The following SORCS1 variants were observed in gnomAD, a reference collection of about 807,000 sequenced individuals.
SORCS1 encodes sortilin related VPS10 domain containing receptor 1.
A neutral mutation model predicts 146.1 loss-of-function variants in SORCS1; 60 were observed. The observed-to-expected ratio is 0.41, with a 90% CI of 0.33 to 0.51. The LOEUF (loss-of-function observed/expected upper bound fraction) is 0.51, where lower values mean the gene tolerates loss of function less well. SORCS1 is among the 20% of genes least tolerant of loss of function. The pLI is 0.21. For synonymous variants in SORCS1, 637 were observed against 584.0 expected (o/e 1.09, Z -1.31); for missense variants, 1,352 against 1,487.6 (o/e 0.91, Z 1.50).
At chr10:107,139,607 CA>C (rs1169480095) in intron 1 of SORCS1, among the ~76,000 whole-genome samples, 1 of 152,182 alleles carries the variant, frequency 6.6e-6, no homozygotes, top group Non-Finnish European at 1.5e-5. Context: ...CACATATACA[CA>C]ATCAGTAGAG....
intron 1 of SORCS1, among the ~76,000 whole-genome samples, chr10:107,132,861 A>T (rs1415494): frequency 0.19 from 24,694 of 131,764 alleles, 2,503 homozygotes; most frequent in East Asian, 0.37. Context: ...TCAAAAATAA[A>T]AAAAAATAAA....
intron 1 of SORCS1, among the ~76,000 whole-genome samples, chr10:106,996,083 T>C (rs1410934557): frequency 2.0e-5 from 3 of 151,748 alleles, no homozygotes; most frequent in Non-Finnish European, 4.4e-5. Flanking sequence ...CTACTAAAAA[T>C]ACAAAAATTA....
chr10:107,080,900 G>A (rs1963279331), intron 1 of SORCS1, among the ~76,000 whole-genome samples: 2 of 152,086 alleles, frequency 1.3e-5, no homozygotes, highest in Admixed American at 1.3e-4. Context: ...TTTCTATTCT[G>A]CATTTTCTGT....
intron 2 of SORCS1, among the ~76,000 whole-genome samples, chr10:106,945,971 T>C (rs1338438461): frequency 6.6e-6 from 1 of 152,214 alleles, no homozygotes; most frequent in East Asian, 1.9e-4. Flanking sequence ...TGAACAGGAA[T>C]GCCTAGAGCT....
chr10:106,801,677 C>T (rs143052623), intron 3 of SORCS1, among the ~76,000 whole-genome samples: 5,876 of 151,948 alleles, frequency 0.039, 145 homozygotes, highest in Middle Eastern at 0.078. Context: ...CTACAGGCGC[C>T]CGCCACCACG....
rs185020103 is a variant in SORCS1 at position 107,069,059 on chromosome 10, C to T, written c.558+94910G>A. 1.6e-3 allele frequency among the ~76,000 whole-genome samples: 247 copies of T among 152,214 alleles called. 1 individual carries two copies. Among genetic ancestry groups the T allele is most frequent in the Middle Eastern group, 3.4e-3 (1 of 294 alleles). On this transcript the variant is annotated intron_variant, in intron 1 of 25. Transcript: ENST00000263054. Reference sequence around the variant, plus strand: ...TGTTGTTGCAGCTGGTTATTTCATCCACCTTTCTGACTATAAACTGAGTTC... The same window carrying T: ...TGTTGTTGCAGCTGGTTATTTCATCTACCTTTCTGACTATAAACTGAGTTC...
chr10:106,589,429 T>C (rs1845459876), intron 24 of SORCS1, among the ~76,000 whole-genome samples: 1 of 152,178 alleles, frequency 6.6e-6, no homozygotes, highest in Non-Finnish European at 1.5e-5. Flanking sequence ...AGGGTTCTCA[T>C]GAGAACAAAG....
At chr10:107,000,717 G>A (rs1338410585) in intron 1 of SORCS1, among the ~76,000 whole-genome samples, 1 of 151,946 alleles carries the variant, frequency 6.6e-6, no homozygotes, top group African/African-American at 2.4e-5. Context: ...CAGGCAAGAA[G>A]ATTGAACAAA....
At chr10:106,746,861 C>T (rs973153512) in intron 5 of SORCS1, among the ~76,000 whole-genome samples, 1 of 152,170 alleles carries the variant, frequency 6.6e-6, no homozygotes, top group Non-Finnish European at 1.5e-5. Context: ...TTAGGCATCT[C>T]GCTTTCCTTG....
At chr10:106,942,646 G>T (rs1954102878) in intron 2 of SORCS1, among the ~76,000 whole-genome samples, 1 of 152,160 alleles carries the variant, frequency 6.6e-6, no homozygotes, top group African/African-American at 2.4e-5. Flanking sequence ...CAGGAAAGCT[G>T]ATTTGTGGGA....
rs994708912 is a variant in SORCS1 at position 106,822,802 on chromosome 10, T to TTTTTTTTTTTTTTTTTTTG, written c.726+6771_726+6772insCAAAAAAAAAAAAAAAAAA. On this transcript the variant is annotated intron_variant, in intron 3 of 25. Coordinates refer to ENST00000263054, the MANE Select transcript of SORCS1 (RefSeq NM_052918.5). ...GTGTGGTTTTTTTTTTTTTTTTTTT[T>TTTTTTTTTTTTTTTTTTTG]GAATATTGCTCTGTTGTGCCCAGGC... Among the ~76,000 whole-genome samples the TTTTTTTTTTTTTTTTTTTG allele has an allele frequency of 6.1e-4, 86 of 140,172 alleles. 4 individuals are homozygous for TTTTTTTTTTTTTTTTTTTG. The highest frequency in any genetic ancestry group is 2.2e-3 in the African/African-American group (78 of 35,212). 92.0% of individuals were successfully genotyped at this position (140,172 alleles called of 152,430 possible).
In SORCS1 at chr10:106,615,320, C is replaced by G. The variant is rs562082230; in HGVS notation, c.2920+2829G>C. ...GCGGGAGAGTAGGAGACTGACTTCC[C>G]TAAGCAGTGATTAACTCACACAGAT... On this transcript the variant is annotated intron_variant, in intron 21 of 25. Transcript: ENST00000263054. Among the ~76,000 whole-genome samples, 15 of 152,324 alleles carry G rather than the reference C, an allele frequency of 9.8e-5. No homozygotes were observed. In the East Asian group the frequency reaches 2.1e-3, roughly 22 times the overall value.
intron 6 of SORCS1, among the ~76,000 whole-genome samples, chr10:106,719,499 G>A (rs969174657): frequency 2.7e-5 from 4 of 150,796 alleles, no homozygotes; most frequent in Non-Finnish European, 4.4e-5. Context: ...TGCAACCTCC[G>A]TCTCCCAGGT....
chr10:107,071,420 G>C (rs1163519161), intron 1 of SORCS1, among the ~76,000 whole-genome samples: 1 of 152,106 alleles, frequency 6.6e-6, no homozygotes, highest in Non-Finnish European at 1.5e-5. Flanking sequence ...ACAGAGTTGT[G>C]GGAGCTTATG....
intron 1 of SORCS1, among the ~76,000 whole-genome samples, chr10:107,076,379 T>A (rs1032525233): frequency 1.3e-5 from 2 of 152,164 alleles, no homozygotes; most frequent in African/African-American, 2.4e-5. Context: ...GAAGCTTTTT[T>A]AATATTTTGG....
intron 1 of SORCS1, among the ~76,000 whole-genome samples, chr10:107,039,245 G>A (rs918080570): frequency 8.0e-5 from 12 of 150,258 alleles, no homozygotes; most frequent in Admixed American, 3.3e-4. Flanking sequence ...GGAAAATGGC[G>A]TGAACCCGGG....
At chr10:106,753,396 G>A (rs111976443) in intron 5 of SORCS1, among the ~76,000 whole-genome samples, 71 of 152,222 alleles carry the variant, frequency 4.7e-4, no homozygotes, top group African/African-American at 1.7e-3. Context: ...GGAGGAAGAG[G>A]AATGGCCATG....
At chr10:107,072,241 A>C (rs1330747878) in intron 1 of SORCS1, among the ~76,000 whole-genome samples, 1 of 152,226 alleles carries the variant, frequency 6.6e-6, no homozygotes, top group African/African-American at 2.4e-5. Context: ...GGGAGCCTGC[A>C]GGCAAAGCAG....
At chr10:106,765,272 T>TC (rs1429796556) in intron 4 of SORCS1, among the ~76,000 whole-genome samples, 3 of 152,076 alleles carry the variant, frequency 2.0e-5, no homozygotes, top group South Asian at 2.1e-4. Context: ...GTGCTCAAGA[T>TC]CTATTAGCAG....
Sources: gnomAD v4.1 joint callset for allele counts (sites outside exome capture counted in the v4.1 genomes callset) on GRCh38, gnomAD v4.1.1 for gene constraint, MANE v1.5 for transcripts, NCBI Gene and HGNC (gene_info 2026-07-23, HGNC 2026-07-21) for gene names.